CDCP1: variants seen among roughly 807,000 people sequenced by gnomAD.
CDCP1 encodes CUB domain containing protein 1.
In CDCP1, 29 loss-of-function variants were observed where a neutral mutation model predicts 60.2. That is an observed-to-expected ratio of 0.48 (90% CI 0.36 to 0.66). The LOEUF (loss-of-function observed/expected upper bound fraction) is 0.66. CDCP1 is among the 30% of genes least tolerant of loss of function. The pLI, the probability that CDCP1 is intolerant of heterozygous loss-of-function variation, is 0.00. For missense variants in CDCP1, 876 were observed against 1,074.3 expected (o/e 0.82, Z 2.58); for synonymous variants, 387 against 431.1 (o/e 0.90, Z 1.27).
intron 2 of CDCP1, among the ~76,000 whole-genome samples, chr3:45,117,329 T>A (rs1310705021): frequency 1.3e-5 from 2 of 152,212 alleles, no homozygotes; most frequent in Non-Finnish European, 2.9e-5. Context: ...TATCTATAGT[T>A]TATTTAAGTA....
chr3:45,109,960 C>A (rs1698660181), intron 4 of CDCP1, among the ~76,000 whole-genome samples: 1 of 152,136 alleles, frequency 6.6e-6, no homozygotes. Flanking sequence ...AGTTCCATAA[C>A]CTCTCTGAAC....
rs4682766 is a variant in CDCP1, at chr3:45,084,428, A to T, written c.*1210T>A. 0.87 allele frequency: 133,026 copies of T among 152,120 alleles called. 60,619 individuals are homozygous for T. The highest frequency in any genetic ancestry group is 0.99 in the South Asian group (4,787 of 4,812). The allele number at this position is 152,120 out of a possible 1,614,324, so 9.4% of individuals were successfully genotyped here. A position where few individuals can be genotyped will look rare whatever the true frequency, so the allele number is the denominator to read the frequency against. On this transcript the variant is annotated 3_prime_UTR_variant, in exon 9 of 9. Coordinates refer to ENST00000296129, the MANE Select transcript of CDCP1 (RefSeq NM_022842.5). The stretch of plus-strand genomic sequence containing the variant: ...AAGGCTCTTCCAGGATGATGAAGGA[A>T]CTTTAGATGGAGAGATTATCCTGGA...
intron 1 of CDCP1, among the ~76,000 whole-genome samples, chr3:45,145,550 T>A (rs192917814): frequency 5.3e-5 from 8 of 152,294 alleles, no homozygotes; most frequent in Admixed American, 5.2e-4. Flanking sequence ...GGCGCGGGAA[T>A]GTCCAGTCTC....
chr3:45,105,034 G>A (rs1698539078), intron 4 of CDCP1, among the ~76,000 whole-genome samples: 1 of 152,166 alleles, frequency 6.6e-6, no homozygotes, highest in Admixed American at 6.5e-5. Context: ...GGCAACAAGA[G>A]CAAAACTCTG....
Position 45,091,619 on chromosome 3 carries a change from G to T in CDCP1, c.1628-81C>A. 2.1e-6 allele frequency: 3 copies of T among 1,462,152 alleles called. No homozygotes were observed. The highest frequency in any genetic ancestry group is 2.7e-6 in the Non-Finnish European group (3 of 1,102,294). 90.6% of individuals were successfully genotyped at this position (1,462,152 alleles called of 1,614,324 possible). A position where few individuals can be genotyped will look rare whatever the true frequency, so the allele number is the denominator to read the frequency against. ...GAAAGGGAGTGGTGGAGGAGACGAAGTCCAACTGTCCAGACCAGCGCTGTC... is the reference window on the plus strand; with the variant it reads ...GAAAGGGAGTGGTGGAGGAGACGAATTCCAACTGTCCAGACCAGCGCTGTC... On this transcript the variant is annotated intron_variant, in intron 6 of 8. Coordinates refer to ENST00000296129, the MANE Select transcript of CDCP1 (RefSeq NM_022842.5). This position sits in a 1 kb window ranked among gnomAD's most constrained non-coding sequence, Gnocchi z 4.8.
chr3:45,108,522 C>A (rs1290370615), intron 4 of CDCP1, among the ~76,000 whole-genome samples: 1 of 151,952 alleles, frequency 6.6e-6, no homozygotes, highest in Non-Finnish European at 1.5e-5. Context: ...TTCTAAGCAG[C>A]ATTCCACCAT....
chr3:45,093,606 G>C lies in CDCP1; in HGVS notation c.1298C>G (p.Pro433Arg). The C allele has an allele frequency of 6.2e-7, 1 of 1,614,214 alleles. No homozygotes were observed. The highest frequency in any genetic ancestry group is 8.5e-7 in the Non-Finnish European group (1 of 1,180,028). The change falls in exon 6 of 9, where the codon CCC becomes CGC. Residue 433 changes from proline (P) to arginine (R), a missense_variant. Transcript: ENST00000296129. ...CACAGGCAGGTGGAGGATGTCACTG[G>C]GCACCTGGAGTGAGTAGGATTTCCT... ...CQRKSYSLQV[P>R]SDILHLPVEL...
chr3:45,145,363 A>G (rs79881656), intron 1 of CDCP1, among the ~76,000 whole-genome samples: 1,831 of 152,328 alleles, frequency 0.012, 39 homozygotes, highest in African/African-American at 0.042. Flanking sequence ...TCTTACATGA[A>G]GAAACCAGGT....
rs1235542379 is a variant in CDCP1 at position 45,085,062 on chromosome 3, C to G, written c.*576G>C. ...TTATTCCCACCACCTGGGGGACAGG[C>G]ACACGTTTATCTAGCGGTCAGTAGA... On this transcript the variant is annotated 3_prime_UTR_variant, in exon 9 of 9. Transcript: ENST00000296129. The surrounding 1 kb of genome is among the most constrained non-coding windows in gnomAD (Gnocchi z 4.2). The G allele has an allele frequency of 6.6e-6, 1 of 152,436 alleles. No homozygotes were observed. The highest frequency in any genetic ancestry group is 2.4e-5 in the African/African-American group (1 of 41,454). 9.4% of individuals were successfully genotyped at this position (152,436 alleles called of 1,614,324 possible). A position where few individuals can be genotyped will look rare whatever the true frequency, so the allele number is the denominator to read the frequency against.
At chr3:45,102,914 G>A (rs929709655) in intron 4 of CDCP1, among the ~76,000 whole-genome samples, 3 of 151,532 alleles carry the variant, frequency 2.0e-5, no homozygotes, top group African/African-American at 4.8e-5. Context: ...TGCCTGCCTC[G>A]GCCTCCCAAA....
At chr3:45,100,742 A>C (rs981049360) in intron 4 of CDCP1, among the ~76,000 whole-genome samples, 1 of 152,224 alleles carries the variant, frequency 6.6e-6, no homozygotes, top group Admixed American at 6.5e-5. Context: ...AGTAGGGTGT[A>C]TGAAGGGAGT....
chr3:45,110,679 T>C lies in CDCP1; in HGVS notation c.818A>G (p.Asn273Ser), dbSNP rs1488673964. The change falls in exon 4 of 9, where the codon AAC becomes AGC. Residue 273 changes from asparagine to serine, a missense_variant. Around this residue, in one of 2 missense-constraint regions of CDCP1, gnomAD observed 726 missense variants for 935.7 expected, o/e 0.78. Coordinates refer to ENST00000296129, the MANE Select transcript of CDCP1 (RefSeq NM_022842.5). ...AACCCGCTCCTCCTTCCTCTCACAG[T>C]TGGAGAGGTTGAAGTTGAGGAAGGA... ...SVSFLNFNLSNCERKEERVEY... is the reference protein window; with the variant it reads ...SVSFLNFNLSSCERKEERVEY... The C allele has an allele frequency of 1.2e-6, 2 of 1,614,020 alleles. No individual in the cohort carries two copies. The highest frequency in any genetic ancestry group is 1.1e-5 in the South Asian group (1 of 91,078).
chr3:45,088,346 C>T (rs533011280), intron 8 of CDCP1, among the ~76,000 whole-genome samples: 147 of 151,866 alleles, frequency 9.7e-4, no homozygotes, highest in African/African-American at 3.4e-3. Context: ...ATTAGCTGGG[C>T]GTGGTGGTGT....
intron 1 of CDCP1, among the ~76,000 whole-genome samples, chr3:45,126,253 C>CTT (rs1698998741): frequency 1.4e-5 from 2 of 145,942 alleles, no homozygotes; most frequent in Admixed American, 7.0e-5. Flanking sequence ...CTTCCTTCTT[C>CTT]TCTCTCTCTC....
At position 45,134,148 on chromosome 3, in the gene CDCP1, CT is replaced by C. The variant is rs533789339; in HGVS notation, c.82+12057del. Among the ~76,000 whole-genome samples the C allele has an allele frequency of 8.5e-3, 1,225 of 144,864 alleles. 8 individuals are homozygous for C. Among genetic ancestry groups the C allele is most frequent in the African/African-American group, 0.022 (860 of 39,794 alleles). On this transcript the variant is annotated intron_variant, in intron 1 of 8. Transcript: ENST00000296129. The stretch of plus-strand genomic sequence containing the variant: ...TTTGAGGCCTTAGATCTACTTCTTT[CT>C]TTTTTTTTTTTTGAGATGGAGTCTC...
intron 3 of CDCP1, among the ~76,000 whole-genome samples, chr3:45,111,760 A>G (rs1698696987): frequency 6.6e-6 from 1 of 152,270 alleles, no homozygotes; most frequent in South Asian, 2.1e-4. Context: ...ATACGTTTAC[A>G]GAAAATGTGA....
At position 45,093,535 on chromosome 3, in the gene CDCP1, G is replaced by C; in HGVS notation, c.1369C>G (p.Leu457Val). ...SWKLLVPKDR[L>V]SLVLVPAQKL... ...TGGGCTGGCACCAGCACCAGGCTGA[G>C]CCTGTCCTTGGGCACCAGCAGCTTC... Residue 457 changes from leucine to valine, a missense_variant, in exon 6 of 9, where the codon CTC (leucine) becomes GTC (valine). Physicochemically the swap from Leu to Val is conservative, Grantham distance 32. This residue lies in a region of CDCP1 where 726 missense variants were observed against 935.7 expected (regional missense o/e 0.78). Coordinates refer to ENST00000296129, the MANE Select transcript of CDCP1 (RefSeq NM_022842.5). The C allele has an allele frequency of 6.2e-7, 1 of 1,614,226 alleles. No homozygotes were observed. The highest frequency in any genetic ancestry group is 8.5e-7 in the Non-Finnish European group (1 of 1,180,010).
rs1310220942 is a variant in CDCP1, at chr3:45,108,674, AC to A, written c.1024+1798del. ...AAAATGTCTCAATGGATACACACAC[AC>A]ACACACTATATATATATGTGCATGT... On this transcript the variant is annotated intron_variant, in intron 4 of 8. Transcript: ENST00000296129. Among the ~76,000 whole-genome samples, 4 of 149,570 alleles carry A rather than the reference AC, an allele frequency of 2.7e-5. No homozygotes were observed. In the Admixed American group the frequency reaches 2.7e-4, roughly 10 times the overall value.
chr3:45,104,523 T>C (rs1028352250), intron 4 of CDCP1, among the ~76,000 whole-genome samples: 1 of 152,168 alleles, frequency 6.6e-6, no homozygotes, highest in Non-Finnish European at 1.5e-5. Flanking sequence ...CATAAATCTA[T>C]GGAAAGACAA....
Sources: allele counts gnomAD v4.1 joint callset (sites outside exome capture counted in the v4.1 genomes callset), GRCh38; gene constraint gnomAD v4.1.1; regional missense constraint gnomAD v4.1.1; non-coding constraint Gnocchi (gnomAD v3.1); transcripts MANE v1.5; gene names NCBI Gene and HGNC (gene_info 2026-07-23, HGNC 2026-07-21).